The following ANKFN1 variants were observed in gnomAD, a reference collection of about 807,000 sequenced individuals.
The protein encoded by ANKFN1 is ankyrin repeat and fibronectin type-III domain-containing protein 1.
Under a neutral mutation model 108.7 loss-of-function variants are expected in ANKFN1, and 74 were observed. The ratio of observed to expected loss-of-function variants is 0.68; its 90% CI spans 0.56 to 0.83. ANKFN1 has a LOEUF of 0.83. Ranked by LOEUF, ANKFN1 falls within the 40% of genes least tolerant of loss-of-function variation. ANKFN1 has a pLI of 0.00. For synonymous variants in ANKFN1, 547 were observed against 516.2 expected (o/e 1.06, Z -0.81); for missense variants, 1,505 against 1,382.3 (o/e 1.09, Z -1.41).
chr17:56,413,812 C>T (rs2048162873), intron 8 of ANKFN1, among the ~76,000 whole-genome samples: 3 of 151,950 alleles, frequency 2.0e-5, no homozygotes, highest in African/African-American at 4.8e-5. Context: ...CTCTGCCTCC[C>T]GGGTTCAAGC....
chr17:56,053,663 TA>T (rs1416883395), intron 4 of ANKFN1, among the ~76,000 whole-genome samples: 1 of 152,176 alleles, frequency 6.6e-6, no homozygotes, highest in East Asian at 1.9e-4. Flanking sequence ...TTGGGTTATA[TA>T]CCCAGCAGTG....
At chr17:56,221,564 G>C (rs1915895426) in intron 2 of ANKFN1, among the ~76,000 whole-genome samples, 1 of 152,076 alleles carries the variant, frequency 6.6e-6, no homozygotes, top group African/African-American at 2.4e-5. Flanking sequence ...ATTTTAAATG[G>C]TTAAAAATAC....
At chr17:56,357,278 T>C (rs1031335584) in intron 6 of ANKFN1, among the ~76,000 whole-genome samples, 1 of 152,194 alleles carries the variant, frequency 6.6e-6, no homozygotes, top group African/African-American at 2.4e-5. Context: ...ATACAACATC[T>C]CTGGTTTTCA....
intron 4 of ANKFN1, among the ~76,000 whole-genome samples, chr17:56,078,310 T>C (rs1905204604): frequency 6.6e-6 from 1 of 152,228 alleles, no homozygotes; most frequent in Non-Finnish European, 1.5e-5. Context: ...CCTTGGGTTC[T>C]ATCTTCAATT....
chr17:56,407,995 C>T (rs1324094474), intron 8 of ANKFN1, among the ~76,000 whole-genome samples: 5 of 126,540 alleles, frequency 4.0e-5, no homozygotes, highest in Non-Finnish European at 7.8e-5. Context: ...AGTGCAGTGG[C>T]GTGATTTCGG....
chr17:56,227,852 CT>C, intron 2 of ANKFN1, 64 bp from the exon 3 acceptor site: 4 of 1,377,062 alleles, frequency 2.9e-6, no homozygotes, highest in Non-Finnish European at 2.0e-6. Flanking sequence ...AACGTGACTC[CT>C]TTTTCATTTT....
intron 3 of ANKFN1, among the ~76,000 whole-genome samples, chr17:56,250,407 G>A (rs2043207826): frequency 6.6e-6 from 1 of 152,180 alleles, no homozygotes; most frequent in African/African-American, 2.4e-5. Context: ...GCACACTAGG[G>A]GAAGGTGATG....
At chr17:56,311,873 G>T (rs1036822208) in intron 3 of ANKFN1, among the ~76,000 whole-genome samples, 1 of 152,048 alleles carries the variant, frequency 6.6e-6, no homozygotes, top group Admixed American at 6.5e-5. Flanking sequence ...AAACACTTCT[G>T]GTCCCAAGCA....
chr17:56,510,747 G>A lies in ANKFN1; in HGVS notation c.2919G>A (p.Leu973=), dbSNP rs1033858184. The change falls in exon 21 of 21, where the codon CTG becomes CTA. Residue 973 remains leucine, a synonymous_variant. Coordinates refer to ENST00000682825, the MANE Select transcript of ANKFN1 (RefSeq NM_001370326.1). ...DHSCAEFLHS[L]TLTGFTPKNH... ...CATGTGCCGAGTTTCTCCATAGCCT[G>A]ACCCTCACGGGGTTCACACCCAAGA... 3.2e-5 allele frequency: 49 copies of A among 1,536,016 alleles called. No homozygotes were observed. In the African/African-American group the frequency reaches 6.4e-4, roughly 20 times the overall value.
intron 8 of ANKFN1, among the ~76,000 whole-genome samples, chr17:56,375,220 G>A (rs1382525047): frequency 1.3e-5 from 2 of 152,172 alleles, no homozygotes; most frequent in East Asian, 1.9e-4. Context: ...CCCTAGGGTG[G>A]AGGTGGCATT....
At chr17:56,206,027 T>C (rs1045795509) in intron 1 of ANKFN1, among the ~76,000 whole-genome samples, 9 of 152,298 alleles carry the variant, frequency 5.9e-5, no homozygotes, top group Admixed American at 5.2e-4. Context: ...CTTTGAGAAA[T>C]AAAGATCCTC....
chr17:56,193,970 T>G (rs1360034326), intron 1 of ANKFN1, among the ~76,000 whole-genome samples: 1 of 152,194 alleles, frequency 6.6e-6, no homozygotes, highest in East Asian at 1.9e-4. Flanking sequence ...GCAAAGATCT[T>G]AACAGATACC....
chr17:56,097,204 T>C (rs1027497413), intron 4 of ANKFN1, among the ~76,000 whole-genome samples: 2 of 152,200 alleles, frequency 1.3e-5, no homozygotes, highest in African/African-American at 4.8e-5. Flanking sequence ...TTTACCTATA[T>C]AACAAACCTG....
In ANKFN1 at chr17:56,063,500, T is replaced by C. The variant is rs558645859; in HGVS notation, c.288+17175T>C. On this transcript the variant is annotated intron_variant, in intron 4 of 12. Transcript: ENST00000635860. ...TGTATGCCTTATTTCAGCAAGGTGGTCTTTAAAACTCTGATATCCTTTCTT... is the reference window on the plus strand; with the variant it reads ...TGTATGCCTTATTTCAGCAAGGTGGCCTTTAAAACTCTGATATCCTTTCTT... 3.9e-3 allele frequency among the ~76,000 whole-genome samples: 598 copies of C among 151,884 alleles called. 5 individuals carry two copies. Among genetic ancestry groups the C allele is most frequent in the African/African-American group, 0.014 (567 of 41,414 alleles).
At chr17:56,482,873 A>G (rs1568039545) in intron 18 of ANKFN1, among the ~76,000 whole-genome samples, 1 of 149,346 alleles carries the variant, frequency 6.7e-6, no homozygotes, top group South Asian at 2.1e-4. Context: ...TCTCTCTCTC[A>G]CTCTCTTTTT....
At chr17:56,233,297 G>C (rs1404310347) in intron 3 of ANKFN1, among the ~76,000 whole-genome samples, 1 of 152,002 alleles carries the variant, frequency 6.6e-6, no homozygotes, top group Non-Finnish European at 1.5e-5. Flanking sequence ...CAAAATGCTA[G>C]TGTGATCTGA....
intron 19 of ANKFN1, among the ~76,000 whole-genome samples, chr17:56,496,640 A>G (rs1429365735): frequency 6.6e-6 from 1 of 152,104 alleles, no homozygotes; most frequent in African/African-American, 2.4e-5. Context: ...CTCTTATAAG[A>G]ATGTCCTTAT....
chr17:56,140,044 C>T (rs904181531), intron 4 of ANKFN1, among the ~76,000 whole-genome samples: 3 of 152,168 alleles, frequency 2.0e-5, no homozygotes, highest in Non-Finnish European at 4.4e-5. Flanking sequence ...AGTTCAAGTC[C>T]CACTTAAGCG....
rs906721581 is a variant in ANKFN1 at position 56,298,088 on chromosome 17, T to G, written c.54-28133T>G. ...GGTAAAAATGCCAATTCTCAGGCCC[T>G]ACCTTGGAACTACTAAGTCAGAGAC... On this transcript the variant is annotated intron_variant, in intron 3 of 20. Transcript: ENST00000682825. Among the ~76,000 whole-genome samples, 6 of 152,300 alleles carry G rather than the reference T, an allele frequency of 3.9e-5. No individual in the cohort carries two copies. The South Asian group carries it at 6.2e-4, about 16-fold the overall frequency.
Sources: allele counts gnomAD v4.1 joint callset (sites outside exome capture counted in the v4.1 genomes callset), GRCh38; gene constraint gnomAD v4.1.1; transcripts MANE v1.5; gene names NCBI Gene and HGNC (gene_info 2026-07-23, HGNC 2026-07-21).